CATSPERB: variants seen among roughly 807,000 people sequenced by gnomAD.
The protein encoded by CATSPERB is cation channel sperm-associated auxiliary subunit beta.
A neutral mutation model predicts 128.3 loss-of-function variants in CATSPERB; 93 were observed. The ratio of observed to expected loss-of-function variants is 0.72; its 90% CI spans 0.61 to 0.86. The LOEUF (loss-of-function observed/expected upper bound fraction) is 0.86. Ranked by LOEUF, CATSPERB falls within the 40% of genes least tolerant of loss-of-function variation. The probability of loss-of-function intolerance (pLI) is 0.00; values close to 1 mark genes in which losing one functional copy is unlikely to be tolerated. For missense variants in CATSPERB, 1,153 were observed against 1,329.5 expected (o/e 0.87, Z 2.06); for synonymous variants, 381 against 448.8 (o/e 0.85, Z 1.91).
intron 7 of CATSPERB, among the ~76,000 whole-genome samples, chr14:91,700,011 G>C (rs1895620360): frequency 6.6e-6 from 1 of 151,756 alleles, no homozygotes; most frequent in African/African-American, 2.4e-5. Context: ...GTGTACATGT[G>C]CCATGGTGGT....
chr14:91,592,109 G>A (rs1159200678), intron 22 of CATSPERB, 107 bp from the exon 23 acceptor site: 2 of 756,478 alleles, frequency 2.6e-6, no homozygotes, highest in Non-Finnish European at 4.6e-6. Context: ...TGGAATTCCT[G>A]AGAAGTTAAA....
intron 15 of CATSPERB, among the ~76,000 whole-genome samples, chr14:91,646,520 T>A (rs946075380): frequency 6.6e-6 from 1 of 152,176 alleles, no homozygotes; most frequent in African/African-American, 2.4e-5. Flanking sequence ...GGCTTCAACC[T>A]CTCTCTCAGT....
At chr14:91,595,205 C>T (rs1158431174) in intron 22 of CATSPERB, among the ~76,000 whole-genome samples, 3 of 151,914 alleles carry the variant, frequency 2.0e-5, no homozygotes, top group Admixed American at 6.5e-5. Context: ...TATTCGTATA[C>T]AGTGTAGAAG....
At chr14:91,611,611 A>C (rs932363068) in intron 20 of CATSPERB, among the ~76,000 whole-genome samples, 2 of 152,190 alleles carry the variant, frequency 1.3e-5, no homozygotes, top group Non-Finnish European at 2.9e-5. Flanking sequence ...CGTCTCAAAA[A>C]CAAACAAACA....
chr14:91,594,838 C>T (rs1478168189), intron 22 of CATSPERB, among the ~76,000 whole-genome samples: 1 of 152,048 alleles, frequency 6.6e-6, no homozygotes, highest in East Asian at 1.9e-4. Flanking sequence ...ATGAAAGTGG[C>T]TTATGTATGT....
chr14:91,663,637 TCC>T (rs1299062249), intron 14 of CATSPERB, among the ~76,000 whole-genome samples: 6 of 75,802 alleles, frequency 7.9e-5, no homozygotes, highest in Non-Finnish European at 1.2e-4. Context: ...AAAGTGAGAC[TCC>T]GTCTCAAAAA....
intron 10 of CATSPERB, among the ~76,000 whole-genome samples, chr14:91,685,249 C>G (rs1428786653): frequency 6.6e-6 from 1 of 152,262 alleles, no homozygotes; most frequent in East Asian, 1.9e-4. Flanking sequence ...TTTTAAGTAT[C>G]TACATTGTGC....
chr14:91,691,852 T>C (rs1895476671), intron 9 of CATSPERB, among the ~76,000 whole-genome samples: 2 of 152,106 alleles, frequency 1.3e-5, no homozygotes, highest in Admixed American at 1.3e-4. Flanking sequence ...ACGAAAACCA[T>C]GCCTTTTAAT....
intron 22 of CATSPERB, among the ~76,000 whole-genome samples, chr14:91,598,470 TTTAA>T (rs530953954): frequency 1.5e-3 from 222 of 152,280 alleles, no homozygotes; most frequent in Middle Eastern, 0.014. Flanking sequence ...ACCTAATTGT[TTTAA>T]TTATTTACCT....
chr14:91,596,286 C>T (rs1216068636), intron 22 of CATSPERB, among the ~76,000 whole-genome samples: 1 of 152,108 alleles, frequency 6.6e-6, no homozygotes, highest in Non-Finnish European at 1.5e-5. Context: ...TCACTACAAG[C>T]TCCGCCTCCC....
At chr14:91,604,636 GGTGCACCAGGTCTGA>G (rs1389265994) in intron 22 of CATSPERB, 1 of 1,611,552 alleles carries the variant, frequency 6.2e-7, no homozygotes, top group African/African-American at 1.3e-5. Context: ...TCCAGGACTG[GGTGCACCAGGTCTGA>G]GTGTTCCAGG....
intron 14 of CATSPERB, among the ~76,000 whole-genome samples, chr14:91,668,671 G>A (rs2139828279): frequency 6.6e-6 from 1 of 152,326 alleles, no homozygotes; most frequent in African/African-American, 2.4e-5. Flanking sequence ...CACTGTGAGG[G>A]TCTGCGGCTT....
chr14:91,595,940 A>G (rs746982357), intron 22 of CATSPERB, among the ~76,000 whole-genome samples: 1 of 152,236 alleles, frequency 6.6e-6, no homozygotes, highest in Non-Finnish European at 1.5e-5. Flanking sequence ...TAAAAGCTGT[A>G]AATAGCTTAA....
At chr14:91,583,235 G>T (rs1231982163) in intron 26 of CATSPERB, among the ~76,000 whole-genome samples, 1 of 152,164 alleles carries the variant, frequency 6.6e-6, no homozygotes. Flanking sequence ...TGGCTAACAT[G>T]GTGAAACCCC....
chr14:91,628,188 C>T (rs868743126), intron 17 of CATSPERB, among the ~76,000 whole-genome samples: 6 of 152,116 alleles, frequency 3.9e-5, no homozygotes, highest in South Asian at 2.1e-4. Context: ...CACTATTTTG[C>T]CCAGACTAGG....
chr14:91,724,623 TTGTG>T (rs1399592981), intron 3 of CATSPERB, among the ~76,000 whole-genome samples: 1 of 152,208 alleles, frequency 6.6e-6, no homozygotes, highest in Non-Finnish European at 1.5e-5. Flanking sequence ...TTTTACTCCG[TTGTG>T]TGTGTTTTTA....
At chr14:91,584,366 G>A (rs1893261136) in intron 26 of CATSPERB, among the ~76,000 whole-genome samples, 1 of 152,186 alleles carries the variant, frequency 6.6e-6, no homozygotes, top group African/African-American at 2.4e-5. Context: ...ACCATGCCCA[G>A]CCTATTTCAG....
At chr14:91,672,708 A>G (rs949207809) in intron 13 of CATSPERB, among the ~76,000 whole-genome samples, 159 bp downstream of exon 13, 1 of 152,232 alleles carries the variant, frequency 6.6e-6, no homozygotes, top group Admixed American at 6.5e-5. Flanking sequence ...AGAAATCTCT[A>G]AAGTGTCAAG....
At chr14:91,597,667 G>A (rs1364883418) in intron 22 of CATSPERB, among the ~76,000 whole-genome samples, 1 of 152,036 alleles carries the variant, frequency 6.6e-6, no homozygotes, top group Non-Finnish European at 1.5e-5. Flanking sequence ...CCTCTTCTGC[G>A]ATAGTCCCCG....
Sources: gnomAD v4.1 joint callset for allele counts (sites outside exome capture counted in the v4.1 genomes callset) on GRCh38, gnomAD v4.1.1 for gene constraint, MANE v1.5 for transcripts, NCBI Gene and HGNC (gene_info 2026-07-23, HGNC 2026-07-21) for gene names.